SERINC5: variants seen among roughly 807,000 people sequenced by gnomAD.
SERINC5 encodes chromosome 5 open reading frame 12.
SERINC5 carries 41 observed loss-of-function variants against 63.1 expected under a neutral mutation model. The ratio of observed to expected loss-of-function variants is 0.65; its 90% confidence interval spans 0.51 to 0.84. SERINC5 has a LOEUF of 0.84. Ranked by LOEUF, SERINC5 falls within the 40% of genes least tolerant of loss-of-function variation. SERINC5 has a pLI of 0.00. For missense variants in SERINC5, 523 were observed against 573.0 expected (o/e 0.91, Z 0.89); for synonymous variants, 222 against 215.2 (o/e 1.03, Z -0.28).
At chr5:80,192,727 C>T (rs1749265262) in intron 2 of SERINC5, among the ~76,000 whole-genome samples, 1 of 152,202 alleles carries the variant, frequency 6.6e-6, no homozygotes, top group South Asian at 2.1e-4. Context: ...TTTAAAACCA[C>T]ACCACCAGAA....
Position 80,142,053 on chromosome 5 carries a change from C to T in SERINC5, c.*1610G>A. The T allele has an allele frequency of 4.1e-6, 4 of 985,344 alleles. No individual in the cohort carries two copies. The highest frequency in any genetic ancestry group is 4.8e-6 in the Non-Finnish European group (4 of 829,860). 61.0% of individuals were successfully genotyped at this position (985,344 alleles called of 1,614,324 possible). A position where few individuals can be genotyped will look rare whatever the true frequency, so the allele number is the denominator to read the frequency against. The stretch of plus-strand genomic sequence containing the variant: ...AGGTGGCACTCAATTCTGCCCAACT[C>T]ATACAGTAGGGCACAGAAAAAAATG... On this transcript the variant is annotated 3_prime_UTR_variant, in exon 12 of 12. Coordinates refer to ENST00000507668, the MANE Select transcript of SERINC5 (RefSeq NM_001174072.3).
At chr5:80,252,449 C>T (rs998947442) in intron 1 of SERINC5, among the ~76,000 whole-genome samples, 2 of 152,176 alleles carry the variant, frequency 1.3e-5, no homozygotes, top group Admixed American at 1.3e-4. Context: ...GCCCTGTGTT[C>T]ATTACCGTGT....
chr5:80,182,316 G>C (rs893985838), intron 2 of SERINC5, among the ~76,000 whole-genome samples: 1 of 152,140 alleles, frequency 6.6e-6, no homozygotes, highest in Non-Finnish European at 1.5e-5. Context: ...TTTCAAGCTC[G>C]TTATTCTGAG....
chr5:80,159,233 A>C (rs2112347840), intron 7 of SERINC5, among the ~76,000 whole-genome samples: 1 of 152,326 alleles, frequency 6.6e-6, no homozygotes, highest in African/African-American at 2.4e-5. Context: ...CCAGAACCTA[A>C]GGAAAGAGTC....
At chr5:80,211,529 G>A (rs977242541) in intron 1 of SERINC5, among the ~76,000 whole-genome samples, 5 of 152,016 alleles carry the variant, frequency 3.3e-5, no homozygotes, top group East Asian at 1.9e-4. Flanking sequence ...ATCTAACTTC[G>A]AGCACATCTG....
chr5:80,213,614 C>G (rs1190448038), intron 1 of SERINC5, among the ~76,000 whole-genome samples: 1 of 152,158 alleles, frequency 6.6e-6, no homozygotes, highest in East Asian at 1.9e-4. Flanking sequence ...CTTCCCTGCC[C>G]CTGTGTGTAC....
intron 2 of SERINC5, among the ~76,000 whole-genome samples, chr5:80,189,139 A>G (rs894792587): frequency 9.2e-5 from 14 of 152,324 alleles, no homozygotes; most frequent in African/African-American, 3.4e-4. Context: ...CAGAAGTCAT[A>G]AAGTTAGTAC....
chr5:80,178,765 T>C (rs1337388239), intron 2 of SERINC5, among the ~76,000 whole-genome samples: 3 of 147,502 alleles, frequency 2.0e-5, no homozygotes, highest in African/African-American at 7.5e-5. Context: ...CTTCTTTTAC[T>C]ATCCACCCAA....
intron 8 of SERINC5, among the ~76,000 whole-genome samples, chr5:80,151,956 G>C (rs1428409988): frequency 6.6e-6 from 1 of 152,308 alleles, no homozygotes; most frequent in South Asian, 2.1e-4. Flanking sequence ...CTTTCCCAAG[G>C]AGAGAGATCA....
In SERINC5 at chr5:80,174,959, C is replaced by A; in HGVS notation, c.546G>T (p.Lys182Asn). 6.3e-7 allele frequency: 1 copy of A among 1,595,124 alleles called. No individual in the cohort carries two copies. The highest frequency in any genetic ancestry group is 8.5e-7 in the Non-Finnish European group (1 of 1,170,094). Residue 182 changes from lysine (K) to asparagine (N), a missense_variant, in exon 5 of 12, where the codon AAG (lysine) becomes AAT (asparagine). Physicochemically the swap from Lys to Asn is moderately conservative, Grantham distance 94. Coordinates refer to ENST00000507668, the MANE Select transcript of SERINC5 (RefSeq NM_001174072.3). Reference sequence around the variant, plus strand: ...CTTTCCATAAAGGCACACACCAGTTCTTGTTCCACTTATGTGCAAACTCCA... The same window carrying A: ...CTTTCCATAAAGGCACACACCAGTTATTGTTCCACTTATGTGCAAACTCCA... ...LLVEFAHKWN[K>N]NWTAGTASNK...
chr5:80,238,118 A>AAAAAAAG (rs1751787123), intron 1 of SERINC5, among the ~76,000 whole-genome samples: 1 of 150,958 alleles, frequency 6.6e-6, no homozygotes, highest in Non-Finnish European at 1.5e-5. Flanking sequence ...AAAAAAAAAA[A>AAAAAAAG]AAAAGAAAAG....
chr5:80,231,049 T>C (rs554660750), intron 1 of SERINC5, among the ~76,000 whole-genome samples: 1 of 152,260 alleles, frequency 6.6e-6, no homozygotes, highest in Admixed American at 6.5e-5. Context: ...GCAGTCCTCC[T>C]ACCTCAGCCT....
intron 1 of SERINC5, among the ~76,000 whole-genome samples, chr5:80,228,032 G>C (rs1751246549): frequency 6.7e-6 from 1 of 150,074 alleles, no homozygotes; most frequent in Non-Finnish European, 1.5e-5. Flanking sequence ...GACCAGCCTG[G>C]GCAACATGGC....
At chr5:80,149,679 G>A (rs1466528271) in intron 9 of SERINC5, among the ~76,000 whole-genome samples, 1 of 152,198 alleles carries the variant, frequency 6.6e-6, no homozygotes, top group Non-Finnish European at 1.5e-5. Context: ...AGGCTTAAAT[G>A]ACTTAACTCT....
chr5:80,239,075 T>C (rs185689870), intron 1 of SERINC5, among the ~76,000 whole-genome samples: 201 of 152,326 alleles, frequency 1.3e-3, no homozygotes, highest in African/African-American at 4.7e-3. Context: ...CAGGACCTGT[T>C]TCCTGAAAAA....
chr5:80,132,511 C>T (rs889508588), intron 11 of SERINC5, among the ~76,000 whole-genome samples: 2 of 152,132 alleles, frequency 1.3e-5, no homozygotes, highest in Non-Finnish European at 2.9e-5. Context: ...TGGAGCACCT[C>T]CTGGACTTGG....
At chr5:80,146,526 C>T (rs556945246) in intron 10 of SERINC5, among the ~76,000 whole-genome samples, 7 of 152,294 alleles carry the variant, frequency 4.6e-5, no homozygotes, top group Non-Finnish European at 8.8e-5. Context: ...GATCTTGGGT[C>T]ACTGCAACCT....
chr5:80,176,825 A>C (rs760374555), intron 4 of SERINC5, among the ~76,000 whole-genome samples: 13 of 152,156 alleles, frequency 8.5e-5, no homozygotes, highest in Non-Finnish European at 1.8e-4. Flanking sequence ...TTTTTCCCTC[A>C]GCTCATATGA....
chr5:80,177,060 A>C (rs918663930), intron 4 of SERINC5, among the ~76,000 whole-genome samples: 1 of 152,178 alleles, frequency 6.6e-6, no homozygotes, highest in Non-Finnish European at 1.5e-5. Context: ...GCTTGGAAAG[A>C]ACAAGGTCTC....
Sources: allele counts gnomAD v4.1 joint callset (sites outside exome capture counted in the v4.1 genomes callset), GRCh38; gene constraint gnomAD v4.1.1; transcripts MANE v1.5; gene names NCBI Gene and HGNC (gene_info 2026-07-23, HGNC 2026-07-21).